BPTF: variants seen among roughly 807,000 people sequenced by gnomAD.
BPTF encodes the protein nucleosome-remodeling factor subunit BPTF.
In BPTF, 18 loss-of-function variants were observed where a neutral mutation model predicts 292.5. The observed-to-expected ratio is 0.06, with a 90% CI of 0.04 to 0.09. The LOEUF is 0.09. BPTF is among the 10% of genes least tolerant of loss of function. The pLI, the probability that BPTF is intolerant of heterozygous loss-of-function variation, is 1.00. For missense variants in BPTF, 2,726 were observed against 3,498.7 expected, an observed-to-expected ratio of 0.78 and a Z score of 5.57; for synonymous variants, 1,225 against 1,251.9, an observed-to-expected ratio of 0.98 and a Z score of 0.45.
intron 1 of BPTF, among the ~76,000 whole-genome samples, chr17:67,827,105 A>G (rs549138406): frequency 2.8e-4 from 42 of 152,356 alleles, no homozygotes; most frequent in African/African-American, 9.9e-4. Context: ...ACAAAACTAC[A>G]GGAACGCGCG....
chr17:67,897,165 T>TAA (rs201259416), intron 7 of BPTF, among the ~76,000 whole-genome samples: 44 of 136,480 alleles, frequency 3.2e-4, no homozygotes, highest in African/African-American at 1.2e-3. Flanking sequence ...TTTCTCTACT[T>TAA]AAAAAAAACA....
rs913201371 is a variant in BPTF, at chr17:67,881,623, C to A, written c.1864+6603C>A. Among the ~76,000 whole-genome samples, 3 of 150,570 alleles carry A rather than the reference C, an allele frequency of 2.0e-5. No homozygotes were observed. In the Admixed American group the frequency reaches 2.0e-4, roughly 10 times the overall value. On this transcript the variant is annotated intron_variant, in intron 4 of 27. Coordinates refer to ENST00000306378, the MANE Select transcript of BPTF (RefSeq NM_182641.4). ...GGTTCAAGCGATTCTCCTGCCTTAG[C>A]CTCCCGAGTAGCCAGGACTATAGAC...
intron 4 of BPTF, chr17:67,891,635 T>C (rs746533470): frequency 1.3e-5 from 5 of 381,596 alleles, no homozygotes; most frequent in Non-Finnish European, 2.3e-5. Context: ...TGTGGAATAA[T>C]AGATGACTCA....
intron 4 of BPTF, among the ~76,000 whole-genome samples, chr17:67,884,410 CT>C (rs1300114231): frequency 5.8e-5 from 8 of 138,682 alleles, no homozygotes; most frequent in East Asian, 2.6e-4. Flanking sequence ...GCCACTACCC[CT>C]GGCCCCTCCC....
At position 67,842,153 on chromosome 17, in the gene BPTF, A is replaced by G. The variant is rs544196591; in HGVS notation, c.614-11787A>G. On this transcript the variant is annotated intron_variant, in intron 1 of 27. Coordinates refer to ENST00000306378, the MANE Select transcript of BPTF (RefSeq NM_182641.4). ...CTTTATACACTTTCAATATATGTAG[A>G]TACATATAGATATGTATCTACATAT... Among the ~76,000 whole-genome samples, 24 of 152,262 alleles carry G rather than the reference A, an allele frequency of 1.6e-4. No homozygotes were observed. In the Middle Eastern group the frequency reaches 0.01, roughly 65 times the overall value.
At position 67,945,830 on chromosome 17, in the gene BPTF, G is replaced by T. The variant is rs199613995; in HGVS notation, c.7122G>T (p.Pro2374=). The part of the protein sequence containing the change: ...QSQVQTTTSQ[P]IPIQPHTSLQ... ...AGGTTCAGACTACAACCTCACAACC[G>T]ATTCCAATTCAACCACATACATCTC... Residue 2374 remains proline (P), a synonymous_variant, in exon 21 of 28, where the codon CCG becomes CCT. Transcript: ENST00000306378. 1 of 1,613,968 alleles carries T rather than the reference G, an allele frequency of 6.2e-7. No individual in the cohort carries two copies. Among genetic ancestry groups the T allele is most frequent in the Non-Finnish European group, 8.5e-7 (1 of 1,180,030 alleles).
chr17:67,966,735 A>G lies in BPTF; in HGVS notation c.8539+79A>G, dbSNP rs553010403. The G allele has an allele frequency of 2.4e-6, 3 of 1,235,456 alleles. No individual in the cohort carries two copies. The African/African-American group carries it at 4.7e-5, about 19-fold the overall frequency. 76.5% of individuals were successfully genotyped at this position (1,235,456 alleles called of 1,614,324 possible). A position where few individuals can be genotyped will look rare whatever the true frequency, so the allele number is the denominator to read the frequency against. Reference sequence around the variant, plus strand: ...TTATCCATAAAATTAATATCTTAGAATATTTTTAGCAAGGCTGGTGGGGGT... The same window carrying G: ...TTATCCATAAAATTAATATCTTAGAGTATTTTTAGCAAGGCTGGTGGGGGT... On this transcript the variant is annotated intron_variant, in intron 26 of 27. Transcript: ENST00000306378.
chr17:67,926,911 CTT>C (rs1177305623), intron 15 of BPTF, among the ~76,000 whole-genome samples: 1 of 146,552 alleles, frequency 6.8e-6, no homozygotes. Context: ...TTGCCTCCCT[CTT>C]TTTTTTTTTC....
At chr17:67,896,112 A>G (rs112307543) in intron 7 of BPTF, among the ~76,000 whole-genome samples, 13,347 of 151,898 alleles carry the variant, frequency 0.088, 1,885 homozygotes, top group African/African-American at 0.3. Context: ...ATAGGCACCC[A>G]CCACTATGCC....
chr17:67,881,270 T>C (rs1386400726), intron 4 of BPTF, among the ~76,000 whole-genome samples: 1 of 152,142 alleles, frequency 6.6e-6, no homozygotes, highest in African/African-American at 2.4e-5. Context: ...TTTTAAAAGT[T>C]AAAAAGTTAA....
intron 15 of BPTF, among the ~76,000 whole-genome samples, chr17:67,926,134 A>C (rs1598711144): frequency 6.8e-6 from 1 of 147,570 alleles, no homozygotes; most frequent in East Asian, 2.0e-4. Flanking sequence ...CAGCTTCCCA[A>C]GTAACTGGGA....
intron 12 of BPTF, among the ~76,000 whole-genome samples, chr17:67,919,548 A>T (rs545550229): frequency 2.2e-4 from 34 of 151,576 alleles, no homozygotes; most frequent in African/African-American, 6.1e-4. Context: ...CTTAAAAAAA[A>T]TTTTTTTTTC....
chr17:67,836,427 A>G (rs2057137711), intron 1 of BPTF, among the ~76,000 whole-genome samples: 1 of 152,174 alleles, frequency 6.6e-6, no homozygotes, highest in Admixed American at 6.5e-5. Context: ...AGTATATTCT[A>G]TTTATGGAAG....
intron 2 of BPTF, among the ~76,000 whole-genome samples, chr17:67,858,080 C>T (rs893960039): frequency 2.0e-5 from 3 of 152,168 alleles, no homozygotes; most frequent in Non-Finnish European, 4.4e-5. Flanking sequence ...GCCACCGTGC[C>T]CGGCTAACAA....
intron 25 of BPTF, 113 bp from the exon 26 acceptor site, chr17:67,966,459 A>G: frequency 1.2e-6 from 1 of 853,098 alleles, no homozygotes; most frequent in Non-Finnish European, 1.9e-6. Flanking sequence ...AAAATATTTC[A>G]TGTATCAAAT....
chr17:67,912,374 A>G lies in BPTF; in HGVS notation c.4490A>G (p.Tyr1497Cys), dbSNP rs766041853. The G allele has an allele frequency of 1.2e-6, 2 of 1,614,184 alleles. No individual in the cohort carries two copies. Among genetic ancestry groups the G allele is most frequent in the East Asian group, 2.2e-5 (1 of 44,882 alleles). Reference sequence around the variant, plus strand: ...AGTTCTTCAGATGCTGAAGGTAACTACCGAGATAGCCTTGAGACCCTGCCA... The same window carrying G: ...AGTTCTTCAGATGCTGAAGGTAACTGCCGAGATAGCCTTGAGACCCTGCCA... ...LLSSSDAEGNYRDSLETLPST... is the reference protein window; with the variant it reads ...LLSSSDAEGNCRDSLETLPST... Residue 1497 changes from tyrosine to cysteine, a missense_variant, in exon 11 of 28, where the codon TAC becomes TGC. Coordinates refer to ENST00000306378, the MANE Select transcript of BPTF (RefSeq NM_182641.4).
chr17:67,940,706 T>C, intron 19 of BPTF, 50 bp downstream of exon 19: 2 of 1,544,602 alleles, frequency 1.3e-6, no homozygotes, highest in Non-Finnish European at 1.8e-6. Context: ...TTATTTATTC[T>C]TGCGGTAAGT....
At chr17:67,885,193 A>T (rs1198016252) in intron 4 of BPTF, among the ~76,000 whole-genome samples, 1 of 152,154 alleles carries the variant, frequency 6.6e-6, no homozygotes, top group Non-Finnish European at 1.5e-5. Context: ...TTTCTGAACT[A>T]CCATGGAAAG....
At chr17:67,931,132 G>T (rs1193654012) in intron 17 of BPTF, among the ~76,000 whole-genome samples, 1 of 152,144 alleles carries the variant, frequency 6.6e-6, no homozygotes, top group Non-Finnish European at 1.5e-5. Context: ...GGGTGTGGTG[G>T]CACACGCCTG....
Sources: allele counts gnomAD v4.1 joint callset (sites outside exome capture counted in the v4.1 genomes callset), GRCh38; gene constraint gnomAD v4.1.1; transcripts MANE v1.5; gene names NCBI Gene and HGNC (gene_info 2026-07-23, HGNC 2026-07-21).